The following MLLT3 variants were observed in gnomAD, a reference collection of about 807,000 sequenced individuals.
The protein encoded by MLLT3 is protein AF-9.
MLLT3 carries 4 observed loss-of-function variants against 53.2 expected under a neutral mutation model. The ratio of observed to expected loss-of-function variants is 0.08; its 90% CI spans 0.04 to 0.17. The LOEUF (loss-of-function observed/expected upper bound fraction) is 0.17. Among genes scored for constraint, MLLT3 ranks in the 10% least tolerant of loss-of-function variants. The pLI is 1.00. For synonymous variants in MLLT3, 283 were observed against 230.6 expected (o/e 1.23, Z -2.06); for missense variants, 569 against 684.0 (o/e 0.83, Z 1.87).
At position 20,346,402 on chromosome 9, in the gene MLLT3, A is replaced by C. The variant is rs200189522; in HGVS notation, c.*41T>G. 9.4e-4 allele frequency: 1,369 copies of C among 1,459,166 alleles called. 13 individuals are homozygous for C. The African/African-American group carries it at 0.017, about 18-fold the overall frequency. 90.4% of individuals were successfully genotyped at this position (1,459,166 alleles called of 1,614,324 possible). A position where few individuals can be genotyped will look rare whatever the true frequency, so the allele number is the denominator to read the frequency against. On this transcript the variant is annotated 3_prime_UTR_variant, in exon 11 of 11. Transcript: ENST00000380338. ...ACCAAAAAAAAAAAAAACCAAAAAA[A>C]AAAAACACAATAGTTCTTGATGCAT...
At chr9:20,586,577 G>A (rs2131180405) in intron 2 of MLLT3, among the ~76,000 whole-genome samples, 1 of 152,266 alleles carries the variant, frequency 6.6e-6, no homozygotes, top group East Asian at 1.9e-4. Context: ...AGTTAGGTAT[G>A]CAGCTGGGAA....
At chr9:20,586,818 T>C (rs575070569) in intron 2 of MLLT3, among the ~76,000 whole-genome samples, 21 of 151,988 alleles carry the variant, frequency 1.4e-4, no homozygotes, top group Non-Finnish European at 2.1e-4. Context: ...GGGGAGCAAG[T>C]TGGGAGGAGA....
chr9:20,405,005 C>A (rs1028770035), intron 5 of MLLT3, among the ~76,000 whole-genome samples: 1 of 152,036 alleles, frequency 6.6e-6, no homozygotes, highest in African/African-American at 2.4e-5. Flanking sequence ...ATAATCCACC[C>A]GGAGATGCAT....
chr9:20,479,380 C>T (rs1362242065), intron 2 of MLLT3, among the ~76,000 whole-genome samples: 1 of 152,082 alleles, frequency 6.6e-6, no homozygotes, highest in Non-Finnish European at 1.5e-5. Context: ...TGTTGGCCTC[C>T]CTTCACATCT....
rs150046222 is a variant in MLLT3 at position 20,577,078 on chromosome 9, A to G, written c.193+43576T>C. Among the ~76,000 whole-genome samples the G allele has an allele frequency of 1.2e-3, 182 of 152,288 alleles. 1 individual carries two copies. The highest frequency in any genetic ancestry group is 3.4e-3 in the Middle Eastern group (1 of 294). On this transcript the variant is annotated intron_variant, in intron 2 of 10. Coordinates refer to ENST00000380338, the MANE Select transcript of MLLT3 (RefSeq NM_004529.4). ...CCTGCAACATTGTCCAATGTCTATTATCTTGACCTCTAAAAATCCCAAAAC... is the reference window on the plus strand; with the variant it reads ...CCTGCAACATTGTCCAATGTCTATTGTCTTGACCTCTAAAAATCCCAAAAC...
chr9:20,355,746 A>G (rs1821156910), intron 8 of MLLT3, among the ~76,000 whole-genome samples: 1 of 152,240 alleles, frequency 6.6e-6, no homozygotes, highest in Admixed American at 6.5e-5. Context: ...CTTTTTCATT[A>G]TAACTCATTA....
rs1820821111 is a variant in MLLT3 at position 20,344,701 on chromosome 9, G to A, written c.*1742C>T. 1.5e-5 allele frequency: 3 copies of A among 206,562 alleles called. No individual in the cohort carries two copies. 12.8% of individuals were successfully genotyped at this position (206,562 alleles called of 1,614,324 possible). A position where few individuals can be genotyped will look rare whatever the true frequency, so the allele number is the denominator to read the frequency against. On this transcript the variant is annotated 3_prime_UTR_variant, in exon 11 of 11. Coordinates refer to ENST00000380338, the MANE Select transcript of MLLT3 (RefSeq NM_004529.4). ...AAAGGAAAAATAGTTTCTTTGGATA[G>A]AAAGAAACAGTGTAAAAAATCCCCT...
intron 2 of MLLT3, among the ~76,000 whole-genome samples, chr9:20,551,359 C>G (rs1302381721): frequency 6.6e-6 from 1 of 152,194 alleles, no homozygotes; most frequent in Non-Finnish European, 1.5e-5. Flanking sequence ...CACTTTAAAG[C>G]ACTCTCCCCA....
intron 5 of MLLT3, among the ~76,000 whole-genome samples, chr9:20,371,667 T>C (rs1285584377): frequency 6.6e-6 from 1 of 152,334 alleles, no homozygotes; most frequent in African/African-American, 2.4e-5. Flanking sequence ...TTATTGCTCA[T>C]TGACAATGTA....
At chr9:20,447,161 C>G (rs1823726467) in intron 4 of MLLT3, among the ~76,000 whole-genome samples, 1 of 152,028 alleles carries the variant, frequency 6.6e-6, no homozygotes, top group African/African-American at 2.4e-5. Context: ...GTTCATGTAT[C>G]CAATAAAGAA....
chr9:20,563,484 A>G (rs533585127), intron 2 of MLLT3, among the ~76,000 whole-genome samples: 1 of 152,226 alleles, frequency 6.6e-6, no homozygotes, highest in Non-Finnish European at 1.5e-5. Flanking sequence ...ACCAGGCTAA[A>G]TACATTTCCA....
Position 20,343,549 on chromosome 9 carries a change from G to T in MLLT3, c.*2894C>A, listed in dbSNP as rs1335735166. ...CCCCAAACCCACCAACACACATCCT[G>T]CTGCAAAACCAGAGGCAAAAGCTAA... On this transcript the variant is annotated 3_prime_UTR_variant, in exon 11 of 11. Coordinates refer to ENST00000380338, the MANE Select transcript of MLLT3 (RefSeq NM_004529.4). 8.7e-6 allele frequency: 2 copies of T among 229,276 alleles called. No individual in the cohort carries two copies. Among genetic ancestry groups the T allele is most frequent in the African/African-American group, 2.2e-5 (1 of 45,076 alleles). 14.2% of individuals were successfully genotyped at this position (229,276 alleles called of 1,614,324 possible).
intron 5 of MLLT3, among the ~76,000 whole-genome samples, chr9:20,373,426 T>A (rs771981035): frequency 1.3e-5 from 2 of 152,184 alleles, no homozygotes; most frequent in Non-Finnish European, 2.9e-5. Context: ...CAACTAGAAG[T>A]GTTTCAAAAG....
At chr9:20,356,774 T>C (rs150192099) in intron 8 of MLLT3, among the ~76,000 whole-genome samples, 1 of 152,234 alleles carries the variant, frequency 6.6e-6, no homozygotes, top group Non-Finnish European at 1.5e-5. Context: ...AAATAGAACA[T>C]TTGGACGCTG....
Position 20,448,337 on chromosome 9 carries a change from T to C in MLLT3, c.277-71A>G. 1 of 1,439,868 alleles carries C rather than the reference T, an allele frequency of 6.9e-7. No individual in the cohort carries two copies. The highest frequency in any genetic ancestry group is 9.6e-7 in the Non-Finnish European group (1 of 1,040,402). The allele number at this position is 1,439,868 out of a possible 1,614,324, so 89.2% of individuals were successfully genotyped here. ...AAGTGAAATTTTAAAAGCAAAAATT[T>C]ACTCCTCATAAGAAATAGAAAAGAA... is the stretch of plus-strand genomic sequence containing the variant. On this transcript the variant is annotated intron_variant, in intron 3 of 10. Coordinates refer to ENST00000380338, the MANE Select transcript of MLLT3 (RefSeq NM_004529.4). The surrounding 1 kb of genome is among the most constrained non-coding windows in gnomAD (Gnocchi z 4.0).
At chr9:20,538,644 G>A (rs1395132151) in intron 2 of MLLT3, among the ~76,000 whole-genome samples, 1 of 152,082 alleles carries the variant, frequency 6.6e-6, no homozygotes, top group Non-Finnish European at 1.5e-5. Flanking sequence ...AAGAGAAAAT[G>A]AATACAAAAT....
At chr9:20,432,782 T>C (rs1823308041) in intron 4 of MLLT3, among the ~76,000 whole-genome samples, 1 of 152,140 alleles carries the variant, frequency 6.6e-6, no homozygotes, top group Admixed American at 6.5e-5. Context: ...CTTACAAAAT[T>C]ATTTCCATCC....
intron 2 of MLLT3, among the ~76,000 whole-genome samples, chr9:20,468,862 C>T (rs1824299760): frequency 6.6e-6 from 1 of 152,206 alleles, no homozygotes; most frequent in African/African-American, 2.4e-5. Flanking sequence ...CTAAACACCA[C>T]ATCTGCTGTT....
intron 2 of MLLT3, among the ~76,000 whole-genome samples, chr9:20,472,908 CAAA>C (rs11436085): frequency 1.5e-5 from 2 of 136,868 alleles, no homozygotes. Flanking sequence ...ACTATGCTAA[CAAA>C]AAAAAAAAAG....
Sources: gnomAD v4.1 joint callset for allele counts (sites outside exome capture counted in the v4.1 genomes callset) on GRCh38, gnomAD v4.1.1 for gene constraint, Gnocchi (gnomAD v3.1) non-coding constraint, MANE v1.5 for transcripts, NCBI Gene and HGNC (gene_info 2026-07-23, HGNC 2026-07-21) for gene names.